Variants in HMGN5 observed in about 807,000 individuals in gnomAD.
HMGN5 encodes the protein high mobility group nucleosome-binding domain-containing protein 5.
In HMGN5, 4 loss-of-function variants were observed where a neutral mutation model predicts 9.5. The ratio of observed to expected loss-of-function variants is 0.42; its 90% CI spans 0.21 to 0.96. The LOEUF (loss-of-function observed/expected upper bound fraction) is 0.96. Ranked by LOEUF, HMGN5 falls within the 40% of genes least tolerant of loss-of-function variation. The pLI, the probability that HMGN5 is intolerant of heterozygous loss-of-function variation, is 0.30. For missense variants in HMGN5, 192 were observed against 187.5 expected (o/e 1.02, Z -0.14); for synonymous variants, 55 against 57.1 (o/e 0.96, Z 0.16).
intron 5 of HMGN5, 108 bp from the exon 6 acceptor site, chrX:81,116,449 T>A (rs910604459): frequency 4.1e-6 from 2 of 490,968 alleles, no homozygotes; most frequent in Non-Finnish European, 3.2e-6. Context: ...TGCAAACTCT[T>A]TAAAGTATCA....
intron 1 of HMGN5, among the ~76,000 whole-genome samples, chrX:81,156,093 TA>T (rs987562330): frequency 5.4e-5 from 6 of 111,719 alleles, no homozygotes; most frequent in Admixed American, 1.9e-4. Flanking sequence ...AAATTTCAAT[TA>T]AAAAAATGGA....
chrX:81,133,880 C>T (rs1056956548), intron 1 of HMGN5, among the ~76,000 whole-genome samples: 15 of 111,656 alleles, frequency 1.3e-4, no homozygotes, highest in Admixed American at 1.3e-3. Context: ...AAAAAGTTAT[C>T]TTTTTAACTT....
intron 1 of HMGN5, among the ~76,000 whole-genome samples, chrX:81,169,776 T>G (rs1302739964): frequency 1.8e-5 from 2 of 111,308 alleles, no homozygotes; most frequent in Non-Finnish European, 3.8e-5. Context: ...AAATATTGTC[T>G]GGGCACAATG....
At chrX:81,185,380 C>A (rs1321255989) in intron 1 of HMGN5, among the ~76,000 whole-genome samples, 2 of 111,089 alleles carry the variant, frequency 1.8e-5, no homozygotes, top group Non-Finnish European at 1.9e-5. Context: ...GTAGCTACTG[C>A]AAATGGGGTT....
intron 1 of HMGN5, among the ~76,000 whole-genome samples, chrX:81,169,993 G>A (rs750567003): frequency 9.8e-6 from 1 of 101,896 alleles, no homozygotes; most frequent in Non-Finnish European, 2.0e-5. Context: ...GGCGGAGGTT[G>A]CACTGAACTG....
chrX:81,131,694 A>G (rs946870283), intron 1 of HMGN5, among the ~76,000 whole-genome samples: 2 of 111,559 alleles, frequency 1.8e-5, no homozygotes, highest in Non-Finnish European at 3.8e-5. Flanking sequence ...TCAATAAGCT[A>G]AGTATTGAAT....
chrX:81,152,816 T>C (rs1464476227), intron 1 of HMGN5, among the ~76,000 whole-genome samples: 1 of 108,726 alleles, frequency 9.2e-6, no homozygotes, highest in Admixed American at 9.9e-5. Flanking sequence ...TATGCAGCCA[T>C]AAAAAATGAT....
Position 81,115,139 on chromosome X carries a change from G to T in HMGN5, c.359C>A (p.Ala120Glu). Reference sequence around the variant, plus strand: ...TTCTTCTTCATTTTTTACTTCTGCTGCCACTGCTTCTTTCTTTTCTCCTCC... The same window carrying T: ...TTCTTCTTCATTTTTTACTTCTGCTTCCACTGCTTCTTTCTTTTCTCCTCC... ...EKGGEKKEAV[A>E]AEVKNEEEDQ... The change falls in exon 7 of 7, where the codon GCA (alanine) becomes GAA (glutamate). Residue 120 changes from alanine to glutamate, a missense_variant. Transcript: ENST00000358130. The T allele has an allele frequency of 8.6e-7, 1 of 1,160,346 alleles. No homozygotes were observed. Among genetic ancestry groups the T allele is most frequent in the Non-Finnish European group, 1.1e-6 (1 of 870,088 alleles).
At chrX:81,123,436 T>C (rs1011376391) in intron 1 of HMGN5, among the ~76,000 whole-genome samples, 1 of 111,745 alleles carries the variant, frequency 8.9e-6, no homozygotes, top group Admixed American at 9.5e-5. Context: ...GATGTCACTT[T>C]TTGCCCTTAT....
At chrX:81,186,884 C>T (rs771597891) in intron 1 of HMGN5, among the ~76,000 whole-genome samples, 6 of 111,072 alleles carry the variant, frequency 5.4e-5, no homozygotes, top group Admixed American at 2.9e-4. Flanking sequence ...TCATAGATTT[C>T]GGTATGTTGT....
intron 1 of HMGN5, among the ~76,000 whole-genome samples, chrX:81,182,525 T>C (rs1213021685): frequency 9.0e-6 from 1 of 111,486 alleles, no homozygotes; most frequent in Non-Finnish European, 1.9e-5. Context: ...ATTCTTGTGA[T>C]ATCTGGTTGT....
chrX:81,158,147 A>G (rs931408030), intron 1 of HMGN5, among the ~76,000 whole-genome samples: 1 of 112,021 alleles, frequency 8.9e-6, no homozygotes, highest in Non-Finnish European at 1.9e-5. Flanking sequence ...CCTGAGATGT[A>G]TGAGTAAGAC....
chrX:81,138,244 T>A (rs1451008803), intron 1 of HMGN5, among the ~76,000 whole-genome samples: 1 of 112,020 alleles, frequency 8.9e-6, no homozygotes, highest in Non-Finnish European at 1.9e-5. Flanking sequence ...AGAAATTACA[T>A]ACAATGACAA....
intron 1 of HMGN5, among the ~76,000 whole-genome samples, chrX:81,165,163 T>C (rs2075407659): frequency 9.0e-6 from 1 of 111,340 alleles, no homozygotes; most frequent in African/African-American, 3.3e-5. Context: ...CTGTATTTTT[T>C]CCTTAGTTGG....
chrX:81,130,249 C>G, intron 1 of HMGN5, among the ~76,000 whole-genome samples: 1 of 111,013 alleles, frequency 9.0e-6, no homozygotes, highest in East Asian at 2.8e-4. Context: ...ATATTTTTCT[C>G]TTAGGCTAGA....
At chrX:81,156,005 G>A (rs977602037) in intron 1 of HMGN5, among the ~76,000 whole-genome samples, 1 of 111,487 alleles carries the variant, frequency 9.0e-6, no homozygotes, top group African/African-American at 3.3e-5. Context: ...CATTACCACT[G>A]GGGGAAACTG....
At chrX:81,163,054 C>T (rs1410230204) in intron 1 of HMGN5, among the ~76,000 whole-genome samples, 3 of 111,419 alleles carry the variant, frequency 2.7e-5, no homozygotes, top group African/African-American at 9.8e-5. Context: ...ACTTCCAAAG[C>T]TAGTTTACTC....
intron 2 of HMGN5, among the ~76,000 whole-genome samples, chrX:81,120,462 G>A (rs977614746): frequency 2.7e-5 from 3 of 111,151 alleles, no homozygotes; most frequent in Non-Finnish European, 3.8e-5. Flanking sequence ...TCTCAGGAAG[G>A]GGGGATGGTG....
At chrX:81,183,588 C>T (rs1443463926) in intron 1 of HMGN5, among the ~76,000 whole-genome samples, 1 of 112,541 alleles carries the variant, frequency 8.9e-6, no homozygotes, top group Admixed American at 9.4e-5. Context: ...TGGGAGCCTA[C>T]ATCTGGATTC....
Sources: gnomAD v4.1 joint callset for allele counts (sites outside exome capture counted in the v4.1 genomes callset) on GRCh38, gnomAD v4.1.1 for gene constraint, MANE v1.5 for transcripts, NCBI Gene and HGNC (gene_info 2026-07-23, HGNC 2026-07-21) for gene names.